Variants in EXOC6B observed in about 807,000 individuals in gnomAD.
EXOC6B encodes SEC15 homolog B.
EXOC6B carries 54 observed loss-of-function variants against 113.5 expected under a neutral mutation model. The observed-to-expected ratio is 0.48, with a 90% CI of 0.38 to 0.60. EXOC6B has a LOEUF of 0.60. Ranked by LOEUF, EXOC6B falls within the 20% of genes least tolerant of loss-of-function variation. The probability of loss-of-function intolerance (pLI) is 0.00; values close to 1 mark genes in which losing one functional copy is unlikely to be tolerated. For synonymous variants in EXOC6B, 357 were observed against 339.0 expected, an observed-to-expected ratio of 1.05 and a Z score of -0.58; for missense variants, 797 against 977.5, an observed-to-expected ratio of 0.82 and a Z score of 2.46.
At chr2:72,675,388 A>G (rs1264674162) in intron 6 of EXOC6B, among the ~76,000 whole-genome samples, 1 of 152,232 alleles carries the variant, frequency 6.6e-6, no homozygotes, top group Non-Finnish European at 1.5e-5. Context: ...TGACTGTGCA[A>G]ACTGGATTAA....
intron 20 of EXOC6B, among the ~76,000 whole-genome samples, chr2:72,257,155 C>T (rs1683398362): frequency 6.6e-6 from 1 of 152,172 alleles, no homozygotes; most frequent in Admixed American, 6.5e-5. Context: ...AAACAGGTAT[C>T]ATTCAAAGTG....
At chr2:72,268,335 T>C (rs1047318398) in intron 20 of EXOC6B, among the ~76,000 whole-genome samples, 2 of 152,130 alleles carry the variant, frequency 1.3e-5, no homozygotes, top group Non-Finnish European at 2.9e-5. Context: ...GGTCTCAAAC[T>C]CCTGGCCTCA....
intron 1 of EXOC6B, among the ~76,000 whole-genome samples, chr2:72,785,543 T>C (rs1285648062): frequency 6.6e-6 from 1 of 152,240 alleles, no homozygotes; most frequent in Non-Finnish European, 1.5e-5. Flanking sequence ...TTGACATCTG[T>C]GAACCCACAT....
chr2:72,573,840 G>A (rs939575040), intron 7 of EXOC6B, among the ~76,000 whole-genome samples: 2 of 152,150 alleles, frequency 1.3e-5, no homozygotes, highest in African/African-American at 4.8e-5. Flanking sequence ...TTACGGCTGG[G>A]TGCGGTGGCT....
At chr2:72,394,645 G>C (rs571825194) in intron 18 of EXOC6B, among the ~76,000 whole-genome samples, 1 of 152,194 alleles carries the variant, frequency 6.6e-6, no homozygotes, top group African/African-American at 2.4e-5. Flanking sequence ...ACTTTATCAA[G>C]TCATCTCATT....
chr2:72,539,607 T>C (rs1702477629), intron 8 of EXOC6B, among the ~76,000 whole-genome samples: 1 of 152,300 alleles, frequency 6.6e-6, no homozygotes, highest in Non-Finnish European at 1.5e-5. Flanking sequence ...CCTTGTTACA[T>C]TAATCACCAG....
chr2:72,236,528 C>G (rs1210443248), intron 20 of EXOC6B, among the ~76,000 whole-genome samples: 1 of 151,994 alleles, frequency 6.6e-6, no homozygotes, highest in Admixed American at 6.6e-5. Context: ...CCAATAAATT[C>G]AAGTAATTTT....
intron 20 of EXOC6B, among the ~76,000 whole-genome samples, chr2:72,220,467 G>A (rs1680800106): frequency 1.3e-5 from 2 of 152,078 alleles, no homozygotes; most frequent in African/African-American, 2.4e-5. Flanking sequence ...CCTTCCAGAT[G>A]GGCACTCTGA....
In EXOC6B at chr2:72,370,002, C is replaced by T. The variant is rs1006886844; in HGVS notation, c.2122+9727G>A. Among the ~76,000 whole-genome samples the T allele has an allele frequency of 9.9e-5, 15 of 152,226 alleles. No individual in the cohort carries two copies. In the South Asian group the frequency reaches 1.2e-3, roughly 13 times the overall value. Reference sequence around the variant, plus strand: ...AAAGCGATGGCAACAAAAGCCAAAACTGACAAATGGGATCTCATTAAACTA... The same window carrying T: ...AAAGCGATGGCAACAAAAGCCAAAATTGACAAATGGGATCTCATTAAACTA... On this transcript the variant is annotated intron_variant, in intron 19 of 21. Transcript: ENST00000272427.
At chr2:72,356,144 G>A (rs745937914) in intron 19 of EXOC6B, among the ~76,000 whole-genome samples, 10 of 152,074 alleles carry the variant, frequency 6.6e-5, no homozygotes, top group East Asian at 5.8e-4. Context: ...TTAATTTCAC[G>A]TAAAGCCAAC....
chr2:72,550,072 G>A (rs541849530), intron 8 of EXOC6B, among the ~76,000 whole-genome samples: 12 of 152,108 alleles, frequency 7.9e-5, no homozygotes, highest in Non-Finnish European at 1.0e-4. Context: ...AAAGGAATGC[G>A]AGAGATATGG....
Position 72,184,112 on chromosome 2 carries a change from G to A in EXOC6B, c.2272C>T (p.Arg758Trp), listed in dbSNP as rs751480355. 5.7e-6 allele frequency: 9 copies of A among 1,565,664 alleles called. No individual in the cohort carries two copies. The highest frequency in any genetic ancestry group is 1.9e-5 in the Admixed American group (1 of 52,864). ...GTCAGAGCAGTCACTGGGTTTACCC[G>A]GAGGTACTTGCAGTTGGGCTGACCA... ...DYGQPNCKYL[R>W]VNPVTALTLL... Residue 758 changes from arginine (R) to tryptophan (W), a missense_variant, in exon 21 of 22, where the codon CGG (arginine) becomes TGG (tryptophan). Coordinates refer to ENST00000272427, the MANE Select transcript of EXOC6B (RefSeq NM_015189.3).
intron 1 of EXOC6B, among the ~76,000 whole-genome samples, chr2:72,755,214 G>A (rs1355134361): frequency 6.6e-6 from 1 of 152,136 alleles, no homozygotes; most frequent in Non-Finnish European, 1.5e-5. Flanking sequence ...GTATTATCCA[G>A]AAGTTACATT....
At position 72,577,100 on chromosome 2, in the gene EXOC6B, A is replaced by G. The variant is rs1704917424; in HGVS notation, c.670-1432T>C. 2.6e-5 allele frequency among the ~76,000 whole-genome samples: 4 copies of G among 152,224 alleles called. No individual in the cohort carries two copies. The South Asian group carries it at 8.3e-4, about 32-fold the overall frequency. ...TCTGCCAAGAAAATGAAAAGAATCT[A>G]CATTCCAGAGATTTGAATCAATGGA... On this transcript the variant is annotated intron_variant, in intron 6 of 21. Coordinates refer to ENST00000272427, the MANE Select transcript of EXOC6B (RefSeq NM_015189.3).
chr2:72,466,404 T>C (rs1203894466), intron 17 of EXOC6B, among the ~76,000 whole-genome samples: 1 of 150,532 alleles, frequency 6.6e-6, no homozygotes, highest in Non-Finnish European at 1.5e-5. Flanking sequence ...TTGAGACTCA[T>C]CATATTTACC....
chr2:72,466,356 A>AAAAAAAG (rs1553417564), intron 17 of EXOC6B, among the ~76,000 whole-genome samples: 1 of 151,436 alleles, frequency 6.6e-6, no homozygotes, highest in Non-Finnish European at 1.5e-5. Flanking sequence ...AAAAAAAAAA[A>AAAAAAAG]AAAAGAAAAG....
intron 5 of EXOC6B, among the ~76,000 whole-genome samples, chr2:72,724,540 T>C (rs1680193847): frequency 6.6e-6 from 1 of 151,918 alleles, no homozygotes; most frequent in Non-Finnish European, 1.5e-5. Flanking sequence ...ATAATGTTCA[T>C]TAATCAATCA....
intron 20 of EXOC6B, among the ~76,000 whole-genome samples, chr2:72,330,201 G>A (rs902575790): frequency 6.6e-6 from 1 of 151,966 alleles, no homozygotes; most frequent in African/African-American, 2.4e-5. Context: ...AAACATGGAA[G>A]GTAAACTATC....
chr2:72,535,195 A>T (rs1702213554), intron 8 of EXOC6B, among the ~76,000 whole-genome samples: 1 of 152,246 alleles, frequency 6.6e-6, no homozygotes, highest in African/African-American at 2.4e-5. Context: ...TTTTTTAAGA[A>T]AGGAATCCCT....
Sources: gnomAD v4.1 joint callset for allele counts (sites outside exome capture counted in the v4.1 genomes callset) on GRCh38, gnomAD v4.1.1 for gene constraint, MANE v1.5 for transcripts, NCBI Gene and HGNC (gene_info 2026-07-23, HGNC 2026-07-21) for gene names.